CLIC4: variants seen among roughly 807,000 people sequenced by gnomAD.
CLIC4 encodes the protein CLIC family member 4, also known as chloride intracellular channel protein 4.
CLIC4 carries 13 observed loss-of-function variants against 24.6 expected under a neutral mutation model. The ratio of observed to expected loss-of-function variants is 0.53; its 90% CI spans 0.34 to 0.84. The LOEUF is 0.84. Among genes scored for constraint, CLIC4 ranks in the 40% least tolerant of loss-of-function variants. CLIC4 has a pLI of 0.01. For missense variants in CLIC4, 227 were observed against 301.7 expected (o/e 0.75, Z 1.83); for synonymous variants, 104 against 111.3 (o/e 0.93, Z 0.41).
rs4256766 is a variant in CLIC4 at position 24,799,220 on chromosome 1, T to A, written c.182+1369T>A. On this transcript the variant is annotated intron_variant, in intron 2 of 5. Coordinates refer to ENST00000374379, the MANE Select transcript of CLIC4 (RefSeq NM_013943.3). ...GTGAGGAGCGGCGCCTCTTCCCGGCTGCCATCACATCTAGGAAGTGAGGAG... is the reference window on the plus strand; with the variant it reads ...GTGAGGAGCGGCGCCTCTTCCCGGCAGCCATCACATCTAGGAAGTGAGGAG... 2.4e-3 allele frequency among the ~76,000 whole-genome samples: 359 copies of A among 147,596 alleles called. 5 individuals are homozygous for A. The highest frequency in any genetic ancestry group is 8.4e-3 in the African/African-American group (336 of 39,980).
intron 3 of CLIC4, among the ~76,000 whole-genome samples, chr1:24,825,297 A>G (rs933143046): frequency 3.9e-5 from 6 of 152,152 alleles, no homozygotes; most frequent in African/African-American, 1.2e-4. Context: ...TCACTGCGCT[A>G]TTTTTTGTTT....
rs113288422 is a variant in CLIC4 at position 24,841,190 on chromosome 1, C to T, written c.*253C>T. 3.5e-5 allele frequency: 9 copies of T among 256,430 alleles called. No individual in the cohort carries two copies. Among genetic ancestry groups the T allele is most frequent in the African/African-American group, 1.8e-4 (8 of 45,276 alleles). 15.9% of individuals were successfully genotyped at this position (256,430 alleles called of 1,614,324 possible). ...TCTCTTTAATTTGGAGACACTCCACCACAAACTTTTCACTTTAGAGGTAGC... is the reference window on the plus strand; with the variant it reads ...TCTCTTTAATTTGGAGACACTCCACTACAAACTTTTCACTTTAGAGGTAGC... On this transcript the variant is annotated 3_prime_UTR_variant, in exon 6 of 6. Transcript: ENST00000374379.
chr1:24,745,623 A>T lies in CLIC4; in HGVS notation c.70A>T (p.Lys24Ter). The change falls in exon 1 of 6, where the codon AAG (lysine) becomes TAG (stop). Residue 24 changes from lysine (K) to a stop codon, truncating the protein, a stop_gained and splice_region_variant. Transcript: ENST00000374379. LOFTEE classifies it high-confidence loss of function. The part of the protein sequence containing the change: ...DKEPLIELFV[K>*]AGSDGESIGN... ...AGAGCCCCTCATCGAGCTCTTCGTC[A>T]AGGTGAGCGCTCGCCTCGCGGTCCC... The T allele has an allele frequency of 1.3e-6, 2 of 1,563,242 alleles. No homozygotes were observed. Among genetic ancestry groups the T allele is most frequent in the South Asian group, 1.2e-5 (1 of 84,336 alleles).
At chr1:24,750,023 G>A (rs1221427949) in intron 1 of CLIC4, among the ~76,000 whole-genome samples, 1 of 152,164 alleles carries the variant, frequency 6.6e-6, no homozygotes, top group Non-Finnish European at 1.5e-5. Flanking sequence ...GGCAGAGGTT[G>A]GCTGTGAGCC....
At chr1:24,745,680 G>A in intron 1 of CLIC4, 55 bp downstream of exon 1, 1 of 1,439,632 alleles carries the variant, frequency 6.9e-7, no homozygotes, top group Non-Finnish European at 9.4e-7. Context: ...CCTCCCGGCT[G>A]CGGGGAGCGG....
intron 1 of CLIC4, among the ~76,000 whole-genome samples, chr1:24,786,307 T>G (rs1639266854): frequency 1.3e-5 from 2 of 152,270 alleles, no homozygotes; most frequent in African/African-American, 4.8e-5. Context: ...GAGCAGTTCC[T>G]TAATCTTGAC....
intron 2 of CLIC4, among the ~76,000 whole-genome samples, chr1:24,799,655 G>A (rs1482755628): frequency 9.0e-5 from 12 of 133,300 alleles, no homozygotes; most frequent in African/African-American, 2.4e-4. Flanking sequence ...GGTGGGGGGG[G>A]TCAGCCCCCC....
chr1:24,839,821 C>T, intron 4 of CLIC4, 39 bp from the exon 5 acceptor site: 1 of 1,567,242 alleles, frequency 6.4e-7, no homozygotes, highest in Admixed American at 1.9e-5. Flanking sequence ...AGTGGTTTTC[C>T]TTCTTACAGT....
intron 1 of CLIC4, among the ~76,000 whole-genome samples, chr1:24,785,854 C>CAAAAAAAAAAAAAAAAAA (rs61009244): frequency 6.8e-5 from 4 of 58,864 alleles, no homozygotes; most frequent in Non-Finnish European, 1.1e-4. Flanking sequence ...GACTACAACT[C>CAAAAAAAAAAAAAAAAAA]AAAAAAAAAA....
chr1:24,830,709 A>G (rs1639831602), intron 4 of CLIC4, among the ~76,000 whole-genome samples: 1 of 152,118 alleles, frequency 6.6e-6, no homozygotes, highest in Admixed American at 6.5e-5. Flanking sequence ...GACTTTCATA[A>G]TTACTTTTAA....
intron 1 of CLIC4, among the ~76,000 whole-genome samples, chr1:24,767,875 G>A (rs1039636414): frequency 3.3e-5 from 5 of 150,926 alleles, no homozygotes; most frequent in African/African-American, 7.3e-5. Flanking sequence ...ATGGAGTTCC[G>A]CTCTGTCGCC....
chr1:24,778,255 A>G (rs1639164706), intron 1 of CLIC4, among the ~76,000 whole-genome samples: 2 of 152,190 alleles, frequency 1.3e-5, no homozygotes, highest in African/African-American at 2.4e-5. Context: ...GACCTATGAC[A>G]AATTATTGAG....
chr1:24,749,007 A>C (rs1215301494), intron 1 of CLIC4, among the ~76,000 whole-genome samples: 1 of 151,920 alleles, frequency 6.6e-6, no homozygotes, highest in African/African-American at 2.4e-5. Flanking sequence ...GGATCACTTG[A>C]TGTTGAGACC....
intron 1 of CLIC4, among the ~76,000 whole-genome samples, chr1:24,785,854 CAAAAAAAAAAAAA>C (rs61009244): frequency 3.4e-5 from 2 of 58,852 alleles, no homozygotes; most frequent in African/African-American, 1.6e-4. Flanking sequence ...GACTACAACT[CAAAAAAAAAAAAA>C]AAAAAAAAAG....
chr1:24,802,012 A>G (rs1475797367), intron 2 of CLIC4, among the ~76,000 whole-genome samples: 2 of 152,174 alleles, frequency 1.3e-5, no homozygotes, highest in African/African-American at 4.8e-5. Flanking sequence ...GTTTCCCAAT[A>G]TAACTCCTAA....
intron 4 of CLIC4, among the ~76,000 whole-genome samples, chr1:24,828,477 A>G (rs576561183): frequency 6.6e-6 from 1 of 152,106 alleles, no homozygotes; most frequent in South Asian, 2.1e-4. Flanking sequence ...TCTGCGCTTC[A>G]TGCGAGCTAA....
At chr1:24,804,224 GA>G (rs1372755507) in intron 2 of CLIC4, among the ~76,000 whole-genome samples, 16 of 152,006 alleles carry the variant, frequency 1.1e-4, no homozygotes, top group Admixed American at 3.3e-4. Flanking sequence ...GTCCAGACAG[GA>G]AAGTCAGACT....
chr1:24,823,134 TC>T (rs1430337116), intron 3 of CLIC4, among the ~76,000 whole-genome samples: 2 of 152,252 alleles, frequency 1.3e-5, no homozygotes, highest in African/African-American at 4.8e-5. Context: ...TGTGAACACT[TC>T]CTGATTTAAT....
At chr1:24,816,385 G>A (rs1460204863) in intron 3 of CLIC4, among the ~76,000 whole-genome samples, 2 of 151,900 alleles carry the variant, frequency 1.3e-5, no homozygotes, top group East Asian at 1.9e-4. Context: ...GATTACAGGT[G>A]CCTGCCGCCA....
Sources: allele counts gnomAD v4.1 joint callset (sites outside exome capture counted in the v4.1 genomes callset), GRCh38; gene constraint gnomAD v4.1.1; transcripts MANE v1.5; gene names NCBI Gene and HGNC (gene_info 2026-07-23, HGNC 2026-07-21).